The following PGAP1 variants were observed in gnomAD, a reference collection of about 807,000 sequenced individuals.
The protein encoded by PGAP1 is GPI inositol-deacylase.
PGAP1 carries 76 observed loss-of-function variants against 127.0 expected under a neutral mutation model. The ratio of observed to expected loss-of-function variants is 0.60; its 90% CI spans 0.50 to 0.72. The LOEUF (loss-of-function observed/expected upper bound fraction) is 0.72. PGAP1 is among the 30% of genes least tolerant of loss of function. PGAP1 has a pLI of 0.00. For missense variants in PGAP1, 982 were observed against 1,071.3 expected (o/e 0.92, Z 1.16); for synonymous variants, 362 against 366.5 (o/e 0.99, Z 0.14).
At chr2:196,866,508 T>G (rs906906293) in intron 19 of PGAP1, among the ~76,000 whole-genome samples, 1 of 152,092 alleles carries the variant, frequency 6.6e-6, no homozygotes, top group South Asian at 2.1e-4. Context: ...GACCTAAAAC[T>G]ATAAAAACCC....
rs1307372378 is a variant in PGAP1, at chr2:196,837,199, AT to A, written c.*4034del. Reference sequence around the variant, plus strand: ...TAATTCATAGTTTTGTGTTTCCTCCATTTCCCAGAGCTTTCAAGAACTAAAC... The same window carrying A: ...TAATTCATAGTTTTGTGTTTCCTCCATTCCCAGAGCTTTCAAGAACTAAAC... On this transcript the variant is annotated 3_prime_UTR_variant, in exon 27 of 27. Transcript: ENST00000354764. The A allele has an allele frequency of 1.3e-5, 2 of 152,194 alleles. No individual in the cohort carries two copies. The highest frequency in any genetic ancestry group is 3.8e-4 in the East Asian group (2 of 5,204). The allele number at this position is 152,194 out of a possible 1,614,324, so 9.4% of individuals were successfully genotyped here.
intron 4 of PGAP1, among the ~76,000 whole-genome samples, chr2:196,911,529 C>T (rs1462054523): frequency 7.5e-5 from 7 of 93,848 alleles, no homozygotes; most frequent in Non-Finnish European, 1.4e-4. Flanking sequence ...GTGGGTGCAG[C>T]GCACCAGCAT....
At chr2:196,919,546 A>G (rs1043978719) in intron 2 of PGAP1, among the ~76,000 whole-genome samples, 1 of 152,124 alleles carries the variant, frequency 6.6e-6, no homozygotes, top group Non-Finnish European at 1.5e-5. Context: ...TCACCTTTCT[A>G]TGTTCCCCCC....
chr2:196,887,792 T>C (rs922780944), intron 10 of PGAP1, among the ~76,000 whole-genome samples: 4 of 152,220 alleles, frequency 2.6e-5, no homozygotes, highest in African/African-American at 9.6e-5. Flanking sequence ...GGTGTTTCTC[T>C]GTAGGCAAAA....
At chr2:196,843,052 AATAACCGGT>A (rs1700459066) in intron 25 of PGAP1, among the ~76,000 whole-genome samples, 1 of 152,182 alleles carries the variant, frequency 6.6e-6, no homozygotes, top group Non-Finnish European at 1.5e-5. Context: ...AGGAAATGAA[AATAACCGGT>A]ATGAAAGCAC....
chr2:196,873,075 T>A (rs752059181), intron 16 of PGAP1, 49 bp from the exon 17 acceptor site: 2 of 617,784 alleles, frequency 3.2e-6, no homozygotes, highest in Admixed American at 5.9e-5. Context: ...TTACCCTAAA[T>A]GTTACATAAA....
chr2:196,873,548 C>T lies in PGAP1; in HGVS notation c.1532G>A (p.Ser511Asn). The T allele has an allele frequency of 1.9e-6, 3 of 1,610,484 alleles. No individual in the cohort carries two copies. The highest frequency in any genetic ancestry group is 2.5e-6 in the Non-Finnish European group (3 of 1,178,168). ...TTTACCTTTGACTGCTGAGCACTTG[C>T]TTACCACGTTGATTTTAAAAGCTTG... is the stretch of plus-strand genomic sequence containing the variant. ...IYQAFKINVV[S>N]KCSAVKEEIT... The change falls in exon 16 of 27, where the codon AGC becomes AAC. Residue 511 changes from serine to asparagine, a missense_variant. Physicochemically the swap from Ser to Asn is conservative, Grantham distance 46 (BLOSUM62 1). Coordinates refer to ENST00000354764, the MANE Select transcript of PGAP1 (RefSeq NM_024989.4).
rs767260257 is a variant in PGAP1, at chr2:196,920,168, T to G, written c.148-18A>C. 1.3e-6 allele frequency: 2 copies of G among 1,589,694 alleles called. No homozygotes were observed. Among genetic ancestry groups the G allele is most frequent in the Non-Finnish European group, 1.7e-6 (2 of 1,169,092 alleles). On this transcript the variant is annotated intron_variant, in intron 1 of 26. Coordinates refer to ENST00000354764, the MANE Select transcript of PGAP1 (RefSeq NM_024989.4). ...TCTATTTTCTACATTTAAAAAAAAG[T>G]AGTTTCACTTTAATCAGTTTTATTA... is the stretch of plus-strand genomic sequence containing the variant.
intron 9 of PGAP1, 103 bp from the exon 10 acceptor site, chr2:196,891,014 ATTC>A (rs1437184571): frequency 6.4e-6 from 4 of 621,106 alleles, no homozygotes; most frequent in Non-Finnish European, 1.2e-5. Flanking sequence ...TAATTCTATC[ATTC>A]TTCTTGTTGT....
chr2:196,867,051 C>T (rs184573441), intron 19 of PGAP1, among the ~76,000 whole-genome samples: 1 of 152,200 alleles, frequency 6.6e-6, no homozygotes, highest in Admixed American at 6.5e-5. Context: ...TAAATTAGTT[C>T]AACCATTGTG....
At chr2:196,887,810 G>T (rs914271574) in intron 10 of PGAP1, among the ~76,000 whole-genome samples, 2 of 152,202 alleles carry the variant, frequency 1.3e-5, no homozygotes, top group Non-Finnish European at 2.9e-5. Flanking sequence ...AAATACTTGT[G>T]TGAGTCCTGT....
rs201030311 is a variant in PGAP1 at position 196,916,479 on chromosome 2, C to T, written c.416G>A (p.Ser139Asn). 1.5e-5 allele frequency: 25 copies of T among 1,613,474 alleles called. No homozygotes were observed. In the Middle Eastern group the frequency reaches 1.2e-3, roughly 74 times the overall value. ...NEELVALYGG[S>N]LQKQTKFVHE... ...TACAAACTTGGTCTGCTTCTGAAGA[C>T]TTCCACCATACAAAGCCACCAGTTC... Residue 139 changes from serine (S) to asparagine (N), a missense_variant, in exon 3 of 27, where the codon AGT becomes AAT. By Grantham distance (46) the Ser-to-Asn change is conservative. Transcript: ENST00000354764.
intron 3 of PGAP1, among the ~76,000 whole-genome samples, chr2:196,914,813 CTT>C (rs772109065): frequency 1.4e-5 from 2 of 138,128 alleles, no homozygotes; most frequent in Non-Finnish European, 3.2e-5. Flanking sequence ...ATTCTTAATT[CTT>C]TTTTTTTTTT....
intron 10 of PGAP1, among the ~76,000 whole-genome samples, chr2:196,890,363 A>C (rs182946499): frequency 7.2e-5 from 11 of 152,366 alleles, no homozygotes; most frequent in Non-Finnish European, 1.2e-4. Context: ...ATTCTGATAC[A>C]GTAAATCTAG....
intron 3 of PGAP1, among the ~76,000 whole-genome samples, chr2:196,916,000 G>A (rs1446043514): frequency 6.6e-6 from 1 of 152,036 alleles, no homozygotes; most frequent in Non-Finnish European, 1.5e-5. Context: ...CTTCTTCCAG[G>A]GATCATAGTC....
At chr2:196,842,933 A>G in intron 25 of PGAP1, 108 bp from the exon 26 acceptor site, 1 of 461,766 alleles carries the variant, frequency 2.2e-6, no homozygotes, top group South Asian at 5.5e-5. Flanking sequence ...AGCAATATGG[A>G]TATAAGAGAG....
intron 20 of PGAP1, among the ~76,000 whole-genome samples, chr2:196,849,877 A>G (rs1384864530): frequency 6.6e-6 from 1 of 152,160 alleles, no homozygotes; most frequent in Non-Finnish European, 1.5e-5. Context: ...GCTATACTCC[A>G]GGGAAGGTTT....
At chr2:196,846,210 G>A (rs1443251281) in intron 22 of PGAP1, among the ~76,000 whole-genome samples, 193 bp from the exon 23 acceptor site, 3 of 152,086 alleles carry the variant, frequency 2.0e-5, no homozygotes, top group African/African-American at 7.2e-5. Flanking sequence ...AATGTATTGT[G>A]ATAACTCCTC....
chr2:196,873,391 C>G, intron 16 of PGAP1, 137 bp downstream of exon 16: 1 of 650,832 alleles, frequency 1.5e-6, no homozygotes, highest in South Asian at 2.3e-5. Context: ...GAAATATAAA[C>G]AACCTGTTAT....
Sources: gnomAD v4.1 joint callset for allele counts (sites outside exome capture counted in the v4.1 genomes callset) on GRCh38, gnomAD v4.1.1 for gene constraint, MANE v1.5 for transcripts, NCBI Gene and HGNC (gene_info 2026-07-23, HGNC 2026-07-21) for gene names.